The following NRXN3 variants were observed in gnomAD, a reference collection of about 807,000 sequenced individuals.
The protein encoded by NRXN3 is neurexin 3.
In NRXN3, 32 loss-of-function variants were observed where a neutral mutation model predicts 137.6. The observed-to-expected ratio is 0.23, with a 90% CI of 0.18 to 0.31. The LOEUF is 0.31. Ranked by LOEUF, NRXN3 falls within the 10% of genes least tolerant of loss-of-function variation. The pLI is 1.00. For missense variants in NRXN3, 1,574 were observed against 2,062.5 expected (o/e 0.76, Z 4.59); for synonymous variants, 798 against 784.5 (o/e 1.02, Z -0.29).
At chr14:79,031,476 T>C (rs940573240) in intron 15 of NRXN3, among the ~76,000 whole-genome samples, 3 of 152,152 alleles carry the variant, frequency 2.0e-5, no homozygotes, top group African/African-American at 4.8e-5. Context: ...GAGTAGGATT[T>C]GGCTATTTGC....
rs546242874 is a variant in NRXN3 at position 78,690,576 on chromosome 14, A to C, written c.1222-18641A>C. 1.1e-4 allele frequency among the ~76,000 whole-genome samples: 16 copies of C among 152,350 alleles called. No homozygotes were observed. In the South Asian group the frequency reaches 1.4e-3, roughly 14 times the overall value. On this transcript the variant is annotated intron_variant, in intron 6 of 20. Coordinates refer to ENST00000335750, the MANE Select transcript of NRXN3 (RefSeq NM_001330195.2). Reference sequence around the variant, plus strand: ...CTCTCCATGGTTGTTTGTTGAGTAAACAAATAAAATATGGTCTTAAATAGA... The same window carrying C: ...CTCTCCATGGTTGTTTGTTGAGTAACCAAATAAAATATGGTCTTAAATAGA...
chr14:79,135,638 G>A (rs2058140901), intron 15 of NRXN3, among the ~76,000 whole-genome samples: 1 of 152,162 alleles, frequency 6.6e-6, no homozygotes, highest in Non-Finnish European at 1.5e-5. Flanking sequence ...AACATCAAGA[G>A]GACAGTTGTT....
chr14:78,626,697 G>A (rs917351652), intron 4 of NRXN3, among the ~76,000 whole-genome samples: 4 of 152,118 alleles, frequency 2.6e-5, no homozygotes, highest in Non-Finnish European at 4.4e-5. Context: ...GTGCTTATAG[G>A]GTCTTCAGAG....
At chr14:78,950,578 C>T (rs956037260) in intron 10 of NRXN3, among the ~76,000 whole-genome samples, 3 of 144,324 alleles carry the variant, frequency 2.1e-5, no homozygotes, top group Non-Finnish European at 4.5e-5. Context: ...ATAACAGAAA[C>T]CATGCAGGAA....
intron 19 of NRXN3, among the ~76,000 whole-genome samples, chr14:79,768,820 A>G (rs1250520192): frequency 1.3e-5 from 2 of 152,086 alleles, no homozygotes; most frequent in Non-Finnish European, 2.9e-5. Context: ...CAATCAAATT[A>G]CTCTGAGCTA....
At position 79,170,409 on chromosome 14, in the gene NRXN3, C is replaced by T. The variant is rs544982424; in HGVS notation, c.3262+182268C>T. 1.1e-4 allele frequency among the ~76,000 whole-genome samples: 16 copies of T among 152,128 alleles called. No homozygotes were observed. The South Asian group carries it at 3.3e-3, about 32-fold the overall frequency. ...CCAAGTAAACTAGATATACATGTGT[C>T]CATACTTATGTCAGATGGGTGCTAT... is the stretch of plus-strand genomic sequence containing the variant. On this transcript the variant is annotated intron_variant, in intron 15 of 20. Transcript: ENST00000335750.
intron 8 of NRXN3, among the ~76,000 whole-genome samples, chr14:78,798,578 T>C (rs1273050484): frequency 3.3e-5 from 5 of 152,194 alleles, no homozygotes; most frequent in Non-Finnish European, 4.4e-5. Context: ...AGTGGCCTTC[T>C]TCTCACGGCT....
chr14:79,588,715 C>T (rs2097780328), intron 16 of NRXN3, among the ~76,000 whole-genome samples: 1 of 152,180 alleles, frequency 6.6e-6, no homozygotes, highest in Admixed American at 6.5e-5. Flanking sequence ...AGAGAGAAGA[C>T]TCTGGATCTA....
chr14:78,311,063 C>T (rs564586412), intron 4 of NRXN3, among the ~76,000 whole-genome samples: 3 of 152,132 alleles, frequency 2.0e-5, no homozygotes, highest in Admixed American at 2.0e-4. Context: ...GTGTTTTTAC[C>T]TGTAAAATGC....
intron 16 of NRXN3, among the ~76,000 whole-genome samples, chr14:79,568,949 A>G (rs1354885803): frequency 1.3e-5 from 2 of 152,112 alleles, no homozygotes; most frequent in Non-Finnish European, 2.9e-5. Context: ...AGAGTAATAC[A>G]TCTTCTGAGC....
chr14:79,413,598 A>T (rs182411702), intron 15 of NRXN3, among the ~76,000 whole-genome samples: 1 of 152,220 alleles, frequency 6.6e-6, no homozygotes, highest in African/African-American at 2.4e-5. Flanking sequence ...CTGCTATGGT[A>T]CAGACTGCTC....
At chr14:78,210,626 A>G (rs1176560996) in intron 1 of NRXN3, among the ~76,000 whole-genome samples, 2 of 151,568 alleles carry the variant, frequency 1.3e-5, no homozygotes, top group East Asian at 3.9e-4. Context: ...GATAGAGAAC[A>G]TTTCCATCAC....
At chr14:79,628,999 C>T (rs765475674) in intron 16 of NRXN3, among the ~76,000 whole-genome samples, 32 of 152,136 alleles carry the variant, frequency 2.1e-4, no homozygotes, top group Non-Finnish European at 3.7e-4. Context: ...AAACTAGATC[C>T]GTTTCTCTAC....
chr14:78,311,000 CA>C (rs2077914893), intron 4 of NRXN3, among the ~76,000 whole-genome samples: 1 of 152,156 alleles, frequency 6.6e-6, no homozygotes, highest in Non-Finnish European at 1.5e-5. Flanking sequence ...ATATCAGCAT[CA>C]CTCATTAAAT....
chr14:78,750,560 G>C (rs1210818507), intron 8 of NRXN3, among the ~76,000 whole-genome samples: 3 of 152,138 alleles, frequency 2.0e-5, no homozygotes, highest in African/African-American at 7.2e-5. Flanking sequence ...TGTCAATAAG[G>C]TCTTGAGATA....
intron 20 of NRXN3, chr14:79,860,950 T>A (rs989372193): frequency 1.3e-6 from 1 of 767,866 alleles, no homozygotes; most frequent in Non-Finnish European, 1.9e-6. Flanking sequence ...TTTATTATAA[T>A]TTCTGAGGCA....
At chr14:78,453,573 A>G (rs2094602764) in intron 4 of NRXN3, among the ~76,000 whole-genome samples, 1 of 152,378 alleles carries the variant, frequency 6.6e-6, no homozygotes, top group South Asian at 2.1e-4. Flanking sequence ...TTTTTCCAGC[A>G]TAAGAAAGAG....
chr14:78,975,678 C>A (rs1398593776), intron 14 of NRXN3, among the ~76,000 whole-genome samples: 2 of 152,126 alleles, frequency 1.3e-5, no homozygotes, highest in African/African-American at 4.8e-5. Flanking sequence ...GACATGCCCC[C>A]AGTGCCTGTT....
intron 15 of NRXN3, among the ~76,000 whole-genome samples, chr14:79,226,788 T>G (rs1321451449): frequency 1.3e-5 from 2 of 150,928 alleles, no homozygotes; most frequent in African/African-American, 4.9e-5. Context: ...ATTTTGGCTT[T>G]ATTCCTCTTT....
Sources: gnomAD v4.1 joint callset for allele counts (sites outside exome capture counted in the v4.1 genomes callset) on GRCh38, gnomAD v4.1.1 for gene constraint, MANE v1.5 for transcripts, NCBI Gene and HGNC (gene_info 2026-07-23, HGNC 2026-07-21) for gene names.